The following TENM3 variants were observed in gnomAD, a reference collection of about 807,000 sequenced individuals.
TENM3 encodes the protein teneurin-3.
A neutral mutation model predicts 255.1 loss-of-function variants in TENM3; 63 were observed. The observed-to-expected ratio is 0.25, with a 90% CI of 0.20 to 0.30. The LOEUF (loss-of-function observed/expected upper bound fraction) is 0.30. Ranked by LOEUF, TENM3 falls within the 10% of genes least tolerant of loss-of-function variation. The probability of loss-of-function intolerance (pLI) is 1.00; values close to 1 mark genes in which losing one functional copy is unlikely to be tolerated. For synonymous variants in TENM3, 1,306 were observed against 1,322.3 expected (o/e 0.99, Z 0.27); for missense variants, 2,929 against 3,461.1 (o/e 0.85, Z 3.86).
chr4:182,232,571 A>G (rs1054022824), intron 1 of TENM3, among the ~76,000 whole-genome samples: 4 of 152,098 alleles, frequency 2.6e-5, no homozygotes, highest in African/African-American at 9.7e-5. Flanking sequence ...TAAAAATACG[A>G]AAATTAGCTG....
At chr4:181,995,676 T>G in the TENM3 span, among the ~76,000 whole-genome samples, 1 of 152,186 alleles carries the variant, frequency 6.6e-6, no homozygotes, top group East Asian at 1.9e-4. Context: ...GTGTGTAAGT[T>G]ATTTTAAAAT....
the TENM3 span, among the ~76,000 whole-genome samples, chr4:181,756,458 T>C: frequency 6.6e-6 from 1 of 152,202 alleles, no homozygotes; most frequent in East Asian, 1.9e-4. Flanking sequence ...AATGGAAGCC[T>C]ATGAAACAGG....
chr4:181,569,872 C>G, the TENM3 span, among the ~76,000 whole-genome samples: 1 of 152,112 alleles, frequency 6.6e-6, no homozygotes, highest in East Asian at 1.9e-4. Flanking sequence ...TACTATGTGT[C>G]AGCCACAGTT....
chr4:181,616,009 A>G, the TENM3 span, among the ~76,000 whole-genome samples: 4,435 of 152,152 alleles, frequency 0.029, 218 homozygotes, highest in African/African-American at 0.1. Context: ...ATTAGAGCAG[A>G]TCTTCTTGAT....
chr4:182,681,863 G>A lies in TENM3; in HGVS notation c.1884G>A (p.Gly628=). ...CTAATCATGGTGTGTGTATCCACGG[G>A]GAATGTCACTGCAGTCCAGGATGGG... ...GCSNHGVCIH[G]ECHCSPGWGG... Residue 628 remains glycine, a synonymous_variant, in exon 11 of 28, where the codon GGG becomes GGA. Coordinates refer to ENST00000511685, the MANE Select transcript of TENM3 (RefSeq NM_001080477.4). 6.2e-7 allele frequency: 1 copy of A among 1,613,818 alleles called. No individual in the cohort carries two copies. The highest frequency in any genetic ancestry group is 8.5e-7 in the Non-Finnish European group (1 of 1,179,836).
chr4:182,651,502 G>T (rs1424220725), intron 5 of TENM3, among the ~76,000 whole-genome samples: 1 of 152,034 alleles, frequency 6.6e-6, no homozygotes, highest in Non-Finnish European at 1.5e-5. Context: ...AACAGCCTGG[G>T]CAGAACGGTG....
chr4:182,778,330 G>A (rs2152805153), intron 24 of TENM3, among the ~76,000 whole-genome samples: 1 of 152,320 alleles, frequency 6.6e-6, no homozygotes, highest in Non-Finnish European at 1.5e-5. Flanking sequence ...TTAAAGGCAT[G>A]CATAAATATG....
intron 1 of TENM3, among the ~76,000 whole-genome samples, chr4:182,175,302 T>TAAAA (rs200201122): frequency 0.014 from 1,640 of 120,418 alleles, 29 homozygotes; most frequent in African/African-American, 0.048. Flanking sequence ...TCTGCTTCAT[T>TAAAA]AAAAAAAAAA....
the TENM3 span, among the ~76,000 whole-genome samples, chr4:181,597,867 T>C: frequency 6.6e-6 from 1 of 152,170 alleles, no homozygotes; most frequent in African/African-American, 2.4e-5. Context: ...AAGAGAGAGA[T>C]GTTCTGGAAG....
At chr4:182,160,374 C>T (rs1166975835) in intron 1 of TENM3, among the ~76,000 whole-genome samples, 1 of 152,012 alleles carries the variant, frequency 6.6e-6, no homozygotes, top group African/African-American at 2.4e-5. Context: ...AATGACCTAA[C>T]GAGAATATTC....
chr4:181,866,551 C>A, the TENM3 span, among the ~76,000 whole-genome samples: 2 of 152,124 alleles, frequency 1.3e-5, no homozygotes, highest in Admixed American at 1.3e-4. Context: ...CCTAGCCAGG[C>A]TAAGTCCTGA....
At chr4:182,322,895 T>A (rs1382432207) in intron 1 of TENM3, among the ~76,000 whole-genome samples, 1 of 152,166 alleles carries the variant, frequency 6.6e-6, no homozygotes, top group Non-Finnish European at 1.5e-5. Context: ...TGATTTCAAG[T>A]TGACTATGGA....
chr4:182,060,851 A>G, the TENM3 span, among the ~76,000 whole-genome samples: 1 of 152,216 alleles, frequency 6.6e-6, no homozygotes, highest in Non-Finnish European at 1.5e-5. Flanking sequence ...TTGAAATATT[A>G]TAAAAACTAG....
chr4:182,509,794 G>A (rs1015943410), intron 3 of TENM3, among the ~76,000 whole-genome samples: 1 of 151,972 alleles, frequency 6.6e-6, no homozygotes, highest in Non-Finnish European at 1.5e-5. Context: ...AAAACTAGCT[G>A]GGGGTGGTGG....
intron 12 of TENM3, among the ~76,000 whole-genome samples, chr4:182,712,064 C>G (rs770202246): frequency 6.6e-6 from 1 of 151,890 alleles, no homozygotes; most frequent in Non-Finnish European, 1.5e-5. Flanking sequence ...ATGGAAGCTT[C>G]TTTGGTTTTT....
rs746315807 is a variant in TENM3, at chr4:182,606,523, CAAAAAAAAAAA to C, written c.749+5377_749+5387del. On this transcript the variant is annotated intron_variant, in intron 4 of 27. Transcript: ENST00000511685. The stretch of plus-strand genomic sequence containing the variant: ...TGGGCGACAGAGGGAGACTCTGTCT[CAAAAAAAAAAA>C]AAAAAAAAAAAAAAGGTAGCGTATA... 3.9e-5 allele frequency among the ~76,000 whole-genome samples: 2 copies of C among 51,726 alleles called. 1 individual carries two copies. Among genetic ancestry groups the C allele is most frequent in the African/African-American group, 1.6e-4 (2 of 12,316 alleles). The allele number at this position is 51,726 out of a possible 152,430, so 33.9% of individuals were successfully genotyped here.
At chr4:182,205,731 C>A (rs1248100275) in intron 1 of TENM3, among the ~76,000 whole-genome samples, 2 of 152,216 alleles carry the variant, frequency 1.3e-5, no homozygotes, top group South Asian at 2.1e-4. Flanking sequence ...GCAAATTATT[C>A]TTCTCACATT....
intron 4 of TENM3, among the ~76,000 whole-genome samples, chr4:182,621,653 AAT>A (rs1222365884): frequency 4.5e-5 from 2 of 43,992 alleles, no homozygotes; most frequent in African/African-American, 7.5e-5. Flanking sequence ...TACATATTAT[AAT>A]ATATAATATG....
At chr4:181,553,491 G>A in the TENM3 span, among the ~76,000 whole-genome samples, 1 of 151,940 alleles carries the variant, frequency 6.6e-6, no homozygotes, top group African/African-American at 2.4e-5. Context: ...GCCCAGGCTG[G>A]AGTGCAGGGG....
Sources: gnomAD v4.1 joint callset for allele counts (sites outside exome capture counted in the v4.1 genomes callset) on GRCh38, gnomAD v4.1.1 for gene constraint, MANE v1.5 for transcripts, NCBI Gene and HGNC (gene_info 2026-07-23, HGNC 2026-07-21) for gene names.